The following CDC42EP5 variants were observed in gnomAD, a reference collection of about 807,000 sequenced individuals.
The protein encoded by CDC42EP5 is CDC42 effector protein 5.
For synonymous variants in CDC42EP5, 118 were observed against 123.3 expected, an observed-to-expected ratio of 0.96 and a Z score of 0.28; for missense variants, 269 against 238.0, an observed-to-expected ratio of 1.13 and a Z score of -0.86.
At chr19:54,469,868 A>G (rs1359194956) in intron 2 of CDC42EP5, among the ~76,000 whole-genome samples, 5 of 152,116 alleles carry the variant, frequency 3.3e-5, no homozygotes, top group Non-Finnish European at 7.3e-5. Context: ...CTCTGGTCAG[A>G]CCCAGCTCCC....
At position 54,469,055 on chromosome 19, in the gene CDC42EP5, C is replaced by T. The variant is rs925957876; in HGVS notation, c.-1+2490G>A. On this transcript the variant is annotated intron_variant, in intron 2 of 2. Coordinates refer to ENST00000301200, the MANE Select transcript of CDC42EP5 (RefSeq NM_145057.4). ...TGTCACCCAGGCAAGAGTGCAATGGCGCGATCTCGGCTCACTGCAACCTCC... is the reference window on the plus strand; with the variant it reads ...TGTCACCCAGGCAAGAGTGCAATGGTGCGATCTCGGCTCACTGCAACCTCC... Among the ~76,000 whole-genome samples the T allele has an allele frequency of 4.7e-5, 7 of 149,938 alleles. No homozygotes were observed. In the East Asian group the frequency reaches 8.0e-4, roughly 17 times the overall value.
intron 2 of CDC42EP5, among the ~76,000 whole-genome samples, chr19:54,470,696 C>T (rs545997245): frequency 1.2e-4 from 18 of 152,258 alleles, no homozygotes; most frequent in African/African-American, 4.3e-4. Flanking sequence ...CAGGACAACT[C>T]CATTTTACAG....
chr19:54,470,326 C>T (rs995764146), intron 2 of CDC42EP5, among the ~76,000 whole-genome samples: 8 of 151,390 alleles, frequency 5.3e-5, no homozygotes, highest in African/African-American at 1.9e-4. Flanking sequence ...GAGGTATGAT[C>T]GTCCCACCGC....
intron 2 of CDC42EP5, among the ~76,000 whole-genome samples, chr19:54,467,477 T>C (rs2084770913): frequency 6.6e-6 from 1 of 151,696 alleles, no homozygotes; most frequent in African/African-American, 2.4e-5. Context: ...AAGCCCTATG[T>C]TAAAAAAAAT....
chr19:54,469,156 G>A (rs2084802270), intron 2 of CDC42EP5, among the ~76,000 whole-genome samples: 1 of 150,762 alleles, frequency 6.6e-6, no homozygotes, highest in Non-Finnish European at 1.5e-5. Context: ...CACCATGCTT[G>A]GCTAATTTTT....
Position 54,465,202 on chromosome 19 carries a change from C to T in CDC42EP5, c.346G>A (p.Ala116Thr). 3 of 1,437,430 alleles carry T rather than the reference C, an allele frequency of 2.1e-6. No individual in the cohort carries two copies. Among genetic ancestry groups the T allele is most frequent in the South Asian group, 1.4e-5 (1 of 71,550 alleles). 89.0% of individuals were successfully genotyped at this position (1,437,430 alleles called of 1,614,324 possible). A position where few individuals can be genotyped will look rare whatever the true frequency, so the allele number is the denominator to read the frequency against. Residue 116 changes from alanine (A) to threonine (T), a missense_variant, in exon 3 of 3, where the codon GCC becomes ACC. Ala to Thr is a moderately conservative substitution (Grantham distance 58). Coordinates refer to ENST00000301200, the MANE Select transcript of CDC42EP5 (RefSeq NM_145057.4). ...VMDAARPEAA[A>T]AKPDAEPRPG... Reference sequence around the variant, plus strand: ...CGGGGTTCCGCGTCGGGCTTGGCGGCAGCCGCCTCCGGGCGCGCCGCGTCC... The same window carrying T: ...CGGGGTTCCGCGTCGGGCTTGGCGGTAGCCGCCTCCGGGCGCGCCGCGTCC...
chr19:54,465,190 CG>C lies in CDC42EP5; in HGVS notation c.357del (p.Asp120ThrfsTer23). 7.0e-7 allele frequency: 1 copy of C among 1,430,130 alleles called. No individual in the cohort carries two copies. The highest frequency in any genetic ancestry group is 9.1e-7 in the Non-Finnish European group (1 of 1,097,388). 88.6% of individuals were successfully genotyped at this position (1,430,130 alleles called of 1,614,324 possible). ...AARPEAAAAK[P>X]DAEPRPGTQP... Reference sequence around the variant, plus strand: ...TGCGTCCCGGGGCGGGGTTCCGCGTCGGGCTTGGCGGCAGCCGCCTCCGGGC... The same window carrying C: ...TGCGTCCCGGGGCGGGGTTCCGCGTCGGCTTGGCGGCAGCCGCCTCCGGGC... On this transcript the variant is annotated frameshift_variant, in exon 3 of 3. Transcript: ENST00000301200. LOFTEE classifies it low-confidence loss of function (END_TRUNC).
At chr19:54,467,368 G>T (rs1360481039) in intron 2 of CDC42EP5, among the ~76,000 whole-genome samples, 3 of 150,930 alleles carry the variant, frequency 2.0e-5, no homozygotes, top group Non-Finnish European at 4.4e-5. Context: ...CAGGAGAATC[G>T]CTTGAACTTG....
chr19:54,466,243 G>T (rs2084755759), intron 2 of CDC42EP5, among the ~76,000 whole-genome samples: 1 of 152,028 alleles, frequency 6.6e-6, no homozygotes, highest in Admixed American at 6.5e-5. Flanking sequence ...AGGAGTTCGA[G>T]ACCAGCCTGA....
At chr19:54,472,581 G>A (rs1359626117) in intron 1 of CDC42EP5, among the ~76,000 whole-genome samples, 10 of 9,102 alleles carry the variant, frequency 1.1e-3, no homozygotes, top group Non-Finnish European at 1.5e-3. Flanking sequence ...AGGAGTCCAG[G>A]CCCCCAGCCC....
rs966480362 is a variant in CDC42EP5 at position 54,466,208 on chromosome 19, C to T, written c.1-661G>A. On this transcript the variant is annotated intron_variant, in intron 2 of 2. Coordinates refer to ENST00000301200, the MANE Select transcript of CDC42EP5 (RefSeq NM_145057.4). ...CTGTAATCCCAGCACCTTGGGAGGC[C>T]GAGGCGGGCGGATCGCTTGAGGCCA... 4.0e-5 allele frequency among the ~76,000 whole-genome samples: 6 copies of T among 151,834 alleles called. No homozygotes were observed. In the East Asian group the frequency reaches 9.8e-4, roughly 25 times the overall value.
At position 54,465,411 on chromosome 19, in the gene CDC42EP5, G is replaced by T; in HGVS notation, c.137C>A (p.Thr46Asn). 7.1e-7 allele frequency: 1 copy of T among 1,399,990 alleles called. No homozygotes were observed. The highest frequency in any genetic ancestry group is 9.3e-7 in the Non-Finnish European group (1 of 1,074,652). The allele number at this position is 1,399,990 out of a possible 1,614,324, so 86.7% of individuals were successfully genotyped here. The change falls in exon 3 of 3, where the codon ACC (threonine) becomes AAC (asparagine). Residue 46 changes from threonine to asparagine, a missense_variant. Coordinates refer to ENST00000301200, the MANE Select transcript of CDC42EP5 (RefSeq NM_145057.4). The part of the protein sequence containing the change: ...VGRGGDAFGD[T>N]SFLSRHGGGP... ...GCCGCCGTGGCGGCTCAGGAACGAG[G>T]TGTCCCCGAAGGCGTCGCCGCCGCG...
chr19:54,469,375 G>GT lies in CDC42EP5; in HGVS notation c.-1+2169dup, dbSNP rs1346567826. On this transcript the variant is annotated intron_variant, in intron 2 of 2. Coordinates refer to ENST00000301200, the MANE Select transcript of CDC42EP5 (RefSeq NM_145057.4). Reference sequence around the variant, plus strand: ...CATTAATGTATCTTCTGGATCCACAGTTTAAAAAAAAAATCCTCTCTAGCT... The same window carrying GT: ...CATTAATGTATCTTCTGGATCCACAGTTTTAAAAAAAAAATCCTCTCTAGCT... 2.3e-5 allele frequency among the ~76,000 whole-genome samples: 3 copies of GT among 131,590 alleles called. No homozygotes were observed. The East Asian group carries it at 9.8e-4, about 43-fold the overall frequency. The allele number at this position is 131,590 out of a possible 152,430, so 86.3% of individuals were successfully genotyped here.
intron 2 of CDC42EP5, 77 bp from the exon 3 acceptor site, chr19:54,465,624 G>A: frequency 4.5e-6 from 6 of 1,333,740 alleles, no homozygotes; most frequent in Non-Finnish European, 5.8e-6. Flanking sequence ...GGACGATGGG[G>A]GACGGTTCCC....
At chr19:54,467,985 C>T (rs1468704382) in intron 2 of CDC42EP5, among the ~76,000 whole-genome samples, 1 of 152,200 alleles carries the variant, frequency 6.6e-6, no homozygotes, top group East Asian at 1.9e-4. Context: ...TGAAGCCCTA[C>T]CCTTTGCCAG....
chr19:54,468,920 C>CTTCT lies in CDC42EP5; in HGVS notation c.-1+2621_-1+2624dup, dbSNP rs144128477. Among the ~76,000 whole-genome samples, 8 of 123,904 alleles carry CTTCT rather than the reference C, an allele frequency of 6.5e-5. 1 individual carries two copies. Among genetic ancestry groups the CTTCT allele is most frequent in the South Asian group, 5.6e-4 (2 of 3,598 alleles). The allele number at this position is 123,904 out of a possible 152,430, so 81.3% of individuals were successfully genotyped here. ...CCTTCCTTCCTTCCTTCCTTCCTTC[C>CTTCT]TTCTTTCTTTCTTTTCTTCCCTCCC... On this transcript the variant is annotated intron_variant, in intron 2 of 2. Coordinates refer to ENST00000301200, the MANE Select transcript of CDC42EP5 (RefSeq NM_145057.4).
chr19:54,467,123 A>C (rs902159258), intron 2 of CDC42EP5, among the ~76,000 whole-genome samples: 3 of 151,434 alleles, frequency 2.0e-5, no homozygotes, highest in Non-Finnish European at 4.4e-5. Flanking sequence ...ACAACCTAAC[A>C]ATATGATGTC....
intron 2 of CDC42EP5, among the ~76,000 whole-genome samples, chr19:54,467,351 G>T (rs953291076): frequency 2.0e-5 from 3 of 151,266 alleles, no homozygotes; most frequent in African/African-American, 7.3e-5. Flanking sequence ...TACTTGAGAG[G>T]CTGAGGCAGG....
At chr19:54,472,618 A>G (rs865810169) in intron 1 of CDC42EP5, among the ~76,000 whole-genome samples, 3 of 2,220 alleles carry the variant, frequency 1.4e-3, no homozygotes, top group African/African-American at 6.3e-3. Context: ...AGGAGTCCAG[A>G]CCCCCAGCCC....
Sources: allele counts gnomAD v4.1 joint callset (sites outside exome capture counted in the v4.1 genomes callset), GRCh38; gene constraint gnomAD v4.1.1; transcripts MANE v1.5; gene names NCBI Gene and HGNC (gene_info 2026-07-23, HGNC 2026-07-21).